The following UBE2E2 variants were observed in gnomAD, a reference collection of about 807,000 sequenced individuals.
The protein encoded by UBE2E2 is ubiquitin conjugating enzyme E2 E2, also known as ubiquitin-conjugating enzyme E2 E2.
In UBE2E2, 6 loss-of-function variants were observed where a neutral mutation model predicts 24.7. The ratio of observed to expected loss-of-function variants is 0.24; its 90% CI spans 0.13 to 0.48. The LOEUF (loss-of-function observed/expected upper bound fraction) is 0.48. Ranked by LOEUF, UBE2E2 falls within the 20% of genes least tolerant of loss-of-function variation. UBE2E2 has a pLI of 0.99. For missense variants in UBE2E2, 169 were observed against 245.0 expected, an observed-to-expected ratio of 0.69 and a Z score of 2.07; for synonymous variants, 104 against 83.6, an observed-to-expected ratio of 1.24 and a Z score of -1.33.
intron 3 of UBE2E2, among the ~76,000 whole-genome samples, chr3:23,402,497 A>G (rs1697250968): frequency 6.6e-6 from 1 of 152,254 alleles, no homozygotes; most frequent in Non-Finnish European, 1.5e-5. Flanking sequence ...ATTAAAGTTT[A>G]GAAATTGTTT....
chr3:23,350,071 C>T (rs911006791), intron 3 of UBE2E2, among the ~76,000 whole-genome samples: 21 of 152,292 alleles, frequency 1.4e-4, no homozygotes, highest in African/African-American at 3.4e-4. Flanking sequence ...CAGCATTTGC[C>T]GTTCACAAAA....
chr3:23,411,626 C>T (rs1250893346), intron 3 of UBE2E2, among the ~76,000 whole-genome samples: 1 of 152,048 alleles, frequency 6.6e-6, no homozygotes, highest in Non-Finnish European at 1.5e-5. Context: ...TAAAATACTC[C>T]AATAATTTCT....
At chr3:23,571,225 G>A (rs1319275340) in intron 5 of UBE2E2, among the ~76,000 whole-genome samples, 2 of 143,780 alleles carry the variant, frequency 1.4e-5, no homozygotes, top group Non-Finnish European at 3.0e-5. Context: ...CTCACACACA[G>A]CATTCTTCTA....
intron 3 of UBE2E2, among the ~76,000 whole-genome samples, chr3:23,368,485 A>G (rs74709254): frequency 0.065 from 9,904 of 152,204 alleles, 337 homozygotes; most frequent in South Asian, 0.14. Context: ...CCAAAACACT[A>G]TGTCTTTCTT....
At chr3:23,527,387 A>AG (rs542614430) in intron 4 of UBE2E2, among the ~76,000 whole-genome samples, 272 of 152,340 alleles carry the variant, frequency 1.8e-3, no homozygotes, top group Middle Eastern at 6.8e-3. Context: ...TATTTGTAAT[A>AG]GCTTGAAAAT....
At chr3:23,528,604 G>A (rs570161953) in intron 4 of UBE2E2, among the ~76,000 whole-genome samples, 39 of 152,144 alleles carry the variant, frequency 2.6e-4, no homozygotes, top group African/African-American at 8.4e-4. Context: ...CCTAGTTCCC[G>A]CCCCAAGGTT....
In UBE2E2 at chr3:23,491,800, C is replaced by T. The variant is rs377205639; in HGVS notation, c.228-7808C>T. 3.3e-5 allele frequency among the ~76,000 whole-genome samples: 5 copies of T among 152,288 alleles called. No homozygotes were observed. The East Asian group carries it at 5.8e-4, about 18-fold the overall frequency. On this transcript the variant is annotated intron_variant, in intron 3 of 5. Coordinates refer to ENST00000396703, the MANE Select transcript of UBE2E2 (RefSeq NM_152653.4). ...ATTGCCCTAGCTGCAGTTTGGTAAA[C>T]AGATTGGAGGGAAGCACAACTGGAG...
At chr3:23,494,923 C>T (rs1005282449) in intron 3 of UBE2E2, among the ~76,000 whole-genome samples, 5 of 151,764 alleles carry the variant, frequency 3.3e-5, no homozygotes, top group African/African-American at 9.7e-5. Context: ...AGGCGCCCAC[C>T]ACCACACCTG....
At chr3:23,323,288 C>T (rs1219580872) in intron 3 of UBE2E2, among the ~76,000 whole-genome samples, 1 of 152,050 alleles carries the variant, frequency 6.6e-6, no homozygotes, top group African/African-American at 2.4e-5. Flanking sequence ...TAATAATTTG[C>T]TCCTATAGTT....
intron 3 of UBE2E2, among the ~76,000 whole-genome samples, chr3:23,327,093 T>C (rs1455533916): frequency 1.3e-5 from 2 of 152,224 alleles, no homozygotes; most frequent in East Asian, 3.8e-4. Flanking sequence ...TTTGGGTTGG[T>C]TCCAAGTCTT....
intron 3 of UBE2E2, among the ~76,000 whole-genome samples, chr3:23,332,737 C>G (rs1695098748): frequency 1.3e-5 from 2 of 150,412 alleles, no homozygotes; most frequent in African/African-American, 4.9e-5. Context: ...GGATATCTCT[C>G]TAGGAAATTT....
chr3:23,370,917 C>G (rs1696383220), intron 3 of UBE2E2, among the ~76,000 whole-genome samples: 1 of 152,122 alleles, frequency 6.6e-6, no homozygotes, highest in South Asian at 2.1e-4. Flanking sequence ...AAAAATGAGG[C>G]TGTTGCTTAT....
intron 3 of UBE2E2, among the ~76,000 whole-genome samples, chr3:23,237,138 GA>G (rs1697134289): frequency 6.6e-6 from 1 of 152,086 alleles, no homozygotes; most frequent in East Asian, 1.9e-4. Flanking sequence ...GTTGTGTGAG[GA>G]TTATATGAGT....
chr3:23,530,897 G>T (rs2125483906), intron 4 of UBE2E2, among the ~76,000 whole-genome samples: 1 of 152,296 alleles, frequency 6.6e-6, no homozygotes, highest in Non-Finnish European at 1.5e-5. Flanking sequence ...GGCAGGTGCA[G>T]TCTCAGCTTG....
chr3:23,347,271 C>T (rs1476245926), intron 3 of UBE2E2, among the ~76,000 whole-genome samples: 2 of 152,156 alleles, frequency 1.3e-5, no homozygotes, highest in African/African-American at 4.8e-5. Flanking sequence ...TATTGTGGCA[C>T]TATTCGCAGT....
rs368718697 is a variant in UBE2E2 at position 23,490,476 on chromosome 3, C to G, written c.228-9132C>G. On this transcript the variant is annotated intron_variant, in intron 3 of 5. Coordinates refer to ENST00000396703, the MANE Select transcript of UBE2E2 (RefSeq NM_152653.4). Reference sequence around the variant, plus strand: ...CCTGCTTCCCAGTTTCTCTGCTTATCCCTGCTCACTACTTTATACAGTTAT... The same window carrying G: ...CCTGCTTCCCAGTTTCTCTGCTTATGCCTGCTCACTACTTTATACAGTTAT... Among the ~76,000 whole-genome samples the G allele has an allele frequency of 5.3e-5, 8 of 152,316 alleles. No homozygotes were observed. The East Asian group carries it at 1.2e-3, about 22-fold the overall frequency.
chr3:23,287,798 A>C (rs1231285549), intron 3 of UBE2E2, among the ~76,000 whole-genome samples: 1 of 130,144 alleles, frequency 7.7e-6, no homozygotes, highest in Non-Finnish European at 1.7e-5. Flanking sequence ...TACATCTCTG[A>C]TTTTATTCAT....
chr3:23,354,309 T>G (rs1373240021), intron 3 of UBE2E2, among the ~76,000 whole-genome samples: 1 of 152,116 alleles, frequency 6.6e-6, no homozygotes, highest in Non-Finnish European at 1.5e-5. Context: ...GGCATTACCA[T>G]TGAGGACATA....
At chr3:23,535,400 C>T (rs191692316) in intron 5 of UBE2E2, among the ~76,000 whole-genome samples, 32 of 152,270 alleles carry the variant, frequency 2.1e-4, no homozygotes, top group Admixed American at 6.5e-5. Flanking sequence ...AACGCCGTCA[C>T]CTCAACATTG....
Sources: allele counts gnomAD v4.1 joint callset (sites outside exome capture counted in the v4.1 genomes callset), GRCh38; gene constraint gnomAD v4.1.1; transcripts MANE v1.5; gene names NCBI Gene and HGNC (gene_info 2026-07-23, HGNC 2026-07-21).